Variants in CSMD3 observed in about 807,000 individuals in gnomAD.
CSMD3 encodes the protein CUB and sushi domain-containing protein 3.
A neutral mutation model predicts 435.2 loss-of-function variants in CSMD3; 177 were observed. That is an observed-to-expected ratio of 0.41 (90% CI 0.36 to 0.46). CSMD3 has a LOEUF of 0.46. CSMD3 is among the 20% of genes least tolerant of loss of function. The pLI, the probability that CSMD3 is intolerant of heterozygous loss-of-function variation, is 0.34. For missense variants in CSMD3, 4,265 were observed against 4,504.6 expected (o/e 0.95, Z 1.52); for synonymous variants, 1,656 against 1,520.5 (o/e 1.09, Z -2.07).
chr8:112,597,597 A>T (rs1831860799), intron 22 of CSMD3, among the ~76,000 whole-genome samples: 1 of 118,398 alleles, frequency 8.4e-6, no homozygotes, highest in Admixed American at 8.5e-5. Flanking sequence ...TCCTTGATGA[A>T]CATTGATGCA....
intron 10 of CSMD3, among the ~76,000 whole-genome samples, chr8:112,889,920 C>G (rs1292331499): frequency 6.6e-6 from 1 of 151,472 alleles, no homozygotes; most frequent in African/African-American, 2.4e-5. Flanking sequence ...TGTAAGATTC[C>G]TATCTTCTGA....
At chr8:112,693,344 G>A (rs1490790859) in intron 13 of CSMD3, among the ~76,000 whole-genome samples, 2 of 151,970 alleles carry the variant, frequency 1.3e-5, no homozygotes, top group Non-Finnish European at 2.9e-5. Context: ...TCGAAAAATT[G>A]TTTCTGTTAT....
chr8:112,948,364 C>G (rs574073136), intron 8 of CSMD3, among the ~76,000 whole-genome samples: 100 of 152,102 alleles, frequency 6.6e-4, no homozygotes, highest in African/African-American at 2.3e-3. Context: ...GCAATTTGAT[C>G]TGCCAGCATT....
At chr8:113,364,377 T>C (rs976664443) in intron 1 of CSMD3, among the ~76,000 whole-genome samples, 1 of 152,108 alleles carries the variant, frequency 6.6e-6, no homozygotes, top group Non-Finnish European at 1.5e-5. Flanking sequence ...TTTACATTTG[T>C]ATTCTTTAAG....
chr8:112,893,818 T>TGTACAA (rs1250239237), intron 10 of CSMD3, among the ~76,000 whole-genome samples: 3 of 151,622 alleles, frequency 2.0e-5, no homozygotes, highest in South Asian at 4.1e-4. Flanking sequence ...TCCTGTGTAC[T>TGTACAA]GTACAAGTAC....
chr8:113,285,623 CTAAG>C (rs2093641614), intron 2 of CSMD3, among the ~76,000 whole-genome samples: 2 of 152,102 alleles, frequency 1.3e-5, no homozygotes, highest in Non-Finnish European at 2.9e-5. Context: ...ACTGGGAAAA[CTAAG>C]TAAGATTAGT....
intron 6 of CSMD3, among the ~76,000 whole-genome samples, chr8:113,010,675 C>G (rs2086225275): frequency 6.6e-6 from 1 of 151,596 alleles, no homozygotes; most frequent in Non-Finnish European, 1.5e-5. Flanking sequence ...TATAATTTGT[C>G]TTTGACTTTA....
intron 61 of CSMD3, among the ~76,000 whole-genome samples, chr8:112,262,452 G>C (rs1404810226): frequency 6.6e-6 from 1 of 152,066 alleles, no homozygotes; most frequent in Non-Finnish European, 1.5e-5. Context: ...GTATACATTT[G>C]AGTAGAGGAC....
chr8:112,636,457 A>C (rs2074659331), intron 22 of CSMD3, among the ~76,000 whole-genome samples: 1 of 150,194 alleles, frequency 6.7e-6, no homozygotes, highest in Admixed American at 6.7e-5. Context: ...GTGAGCTCTC[A>C]AAATATGATT....
intron 1 of CSMD3, among the ~76,000 whole-genome samples, chr8:113,350,714 T>C (rs540965412): frequency 4.6e-5 from 7 of 152,244 alleles, no homozygotes; most frequent in African/African-American, 1.4e-4. Flanking sequence ...AAAATGTAGA[T>C]AGAATCAAGT....
chr8:112,920,001 G>A (rs2082687220), intron 10 of CSMD3, among the ~76,000 whole-genome samples: 1 of 151,766 alleles, frequency 6.6e-6, no homozygotes, highest in Admixed American at 6.6e-5. Context: ...GAGCTAGAGA[G>A]AACTCGAGTA....
chr8:113,047,942 T>C (rs944309373), intron 5 of CSMD3, among the ~76,000 whole-genome samples: 3 of 152,300 alleles, frequency 2.0e-5, no homozygotes, highest in Admixed American at 6.5e-5. Flanking sequence ...CTGTATCTTA[T>C]AAAGTTTTAT....
intron 12 of CSMD3, among the ~76,000 whole-genome samples, chr8:112,812,854 C>A (rs978050957): frequency 2.6e-5 from 4 of 151,946 alleles, no homozygotes; most frequent in Non-Finnish European, 5.9e-5. Flanking sequence ...TAAATAGGTG[C>A]GCTCAAAAAT....
At chr8:112,983,834 G>T (rs1157603080) in intron 6 of CSMD3, among the ~76,000 whole-genome samples, 1 of 151,976 alleles carries the variant, frequency 6.6e-6, no homozygotes, top group Non-Finnish European at 1.5e-5. Flanking sequence ...CATTCTGGAA[G>T]AAAGACTATT....
chr8:113,343,945 A>G (rs2094136190), intron 1 of CSMD3, among the ~76,000 whole-genome samples: 1 of 152,100 alleles, frequency 6.6e-6, no homozygotes, highest in Non-Finnish European at 1.5e-5. Context: ...TAGTTGTAAT[A>G]ATGTACTATA....
chr8:113,115,576 T>C (rs1051336491), intron 4 of CSMD3, among the ~76,000 whole-genome samples: 1 of 152,240 alleles, frequency 6.6e-6, no homozygotes, highest in Non-Finnish European at 1.5e-5. Flanking sequence ...GTCTGGCTTC[T>C]TTCAATCCGC....
chr8:113,006,003 A>G (rs2086042555), intron 6 of CSMD3, among the ~76,000 whole-genome samples: 1 of 152,036 alleles, frequency 6.6e-6, no homozygotes, highest in Non-Finnish European at 1.5e-5. Flanking sequence ...CTGTTTCAAA[A>G]CTGTCTCACA....
At chr8:113,329,307 T>C (rs567405503) in intron 1 of CSMD3, among the ~76,000 whole-genome samples, 16 of 151,948 alleles carry the variant, frequency 1.1e-4, no homozygotes, top group Non-Finnish European at 2.1e-4. Flanking sequence ...TAGCTTAAAA[T>C]AACCAGATGG....
chr8:113,254,199 T>C lies in CSMD3; in HGVS notation c.514+24393A>G, dbSNP rs140327038. Among the ~76,000 whole-genome samples the C allele has an allele frequency of 3.3e-5, 5 of 152,334 alleles. No homozygotes were observed. In the East Asian group the frequency reaches 7.7e-4, roughly 23 times the overall value. On this transcript the variant is annotated intron_variant, in intron 3 of 70. Coordinates refer to ENST00000297405, the MANE Select transcript of CSMD3 (RefSeq NM_198123.2). ...GCAAAAAAGAAATTTAGGCAGTTAGTGAGGATAAGAGAGTCCTTGGTAAGG... is the reference window on the plus strand; with the variant it reads ...GCAAAAAAGAAATTTAGGCAGTTAGCGAGGATAAGAGAGTCCTTGGTAAGG...
Sources: gnomAD v4.1 joint callset for allele counts (sites outside exome capture counted in the v4.1 genomes callset) on GRCh38, gnomAD v4.1.1 for gene constraint, MANE v1.5 for transcripts, NCBI Gene and HGNC (gene_info 2026-07-23, HGNC 2026-07-21) for gene names.